Variants in DOCK9 observed in about 807,000 individuals in gnomAD.
DOCK9 encodes dedicator of cytokinesis protein 9.
A neutral mutation model predicts 263.3 loss-of-function variants in DOCK9; 89 were observed. The observed-to-expected ratio is 0.34, with a 90% CI of 0.28 to 0.40. DOCK9 has a LOEUF of 0.40. DOCK9 is among the 10% of genes least tolerant of loss of function. The probability of loss-of-function intolerance (pLI) is 1.00; values close to 1 mark genes in which losing one functional copy is unlikely to be tolerated. For synonymous variants in DOCK9, 976 were observed against 973.1 expected (o/e 1.00, Z -0.06); for missense variants, 2,140 against 2,603.4 (o/e 0.82, Z 3.87).
intron 1 of DOCK9, among the ~76,000 whole-genome samples, chr13:99,069,291 G>C (rs933898295): frequency 1.3e-5 from 2 of 152,064 alleles, no homozygotes; most frequent in African/African-American, 4.8e-5. Context: ...TCTAAGTTTT[G>C]CTTTTTATTT....
intron 27 of DOCK9, among the ~76,000 whole-genome samples, chr13:98,870,197 T>C (rs2094150686): frequency 6.6e-6 from 1 of 152,172 alleles, no homozygotes; most frequent in South Asian, 2.1e-4. Flanking sequence ...CCAGAACCTA[T>C]TAGGAATATT....
intron 7 of DOCK9, among the ~76,000 whole-genome samples, chr13:98,919,106 G>A (rs1169022259): frequency 1.6e-5 from 2 of 125,284 alleles, no homozygotes; most frequent in East Asian, 2.2e-4. Context: ...AGCACTGCTG[G>A]GCTGTTTCTC....
chr13:98,908,760 A>G (rs938218443), intron 9 of DOCK9, among the ~76,000 whole-genome samples: 4 of 152,240 alleles, frequency 2.6e-5, no homozygotes, highest in Admixed American at 2.6e-4. Context: ...GTTCTCAGGA[A>G]TGTGGGAATG....
At chr13:98,811,277 T>A (rs2091272107) in intron 45 of DOCK9, among the ~76,000 whole-genome samples, 1 of 152,244 alleles carries the variant, frequency 6.6e-6, no homozygotes, top group Non-Finnish European at 1.5e-5. Context: ...ATGGCTTTGG[T>A]AAAGTGTCTA....
chr13:98,989,333 TG>T (rs1426954380), intron 1 of DOCK9, among the ~76,000 whole-genome samples: 4 of 127,324 alleles, frequency 3.1e-5, no homozygotes, highest in Middle Eastern at 4.2e-3. Flanking sequence ...ATGATGATGA[TG>T]ATGATGATGA....
At chr13:98,962,983 A>AC (rs1281097219) in intron 1 of DOCK9, among the ~76,000 whole-genome samples, 2 of 152,100 alleles carry the variant, frequency 1.3e-5, no homozygotes, top group African/African-American at 4.8e-5. Flanking sequence ...CAGGCAGGAC[A>AC]CCCCATGGGA....
intron 27 of DOCK9, among the ~76,000 whole-genome samples, chr13:98,871,178 C>T (rs2094175916): frequency 6.6e-6 from 1 of 152,104 alleles, no homozygotes; most frequent in South Asian, 2.1e-4. Flanking sequence ...CTAAAAGTGT[C>T]TAAGATGGAG....
At chr13:98,873,507 C>T (rs2094242923) in intron 27 of DOCK9, among the ~76,000 whole-genome samples, 1 of 152,224 alleles carries the variant, frequency 6.6e-6, no homozygotes, top group Admixed American at 6.5e-5. Flanking sequence ...ACTACATTTA[C>T]CAGCATCCCT....
rs765456052 is a variant in DOCK9, at chr13:98,809,481, A to T, written c.5254-16T>A. ...GGGCCAGCCTCTGGAAAGCAGAACA[A>T]AGCCCATTTCTTCCCATGTGCAAAG... On this transcript the variant is annotated splice_polypyrimidine_tract_variant and intron_variant, in intron 46 of 52. Transcript: ENST00000682017. The T allele has an allele frequency of 1.0e-5, 16 of 1,572,342 alleles. No homozygotes were observed. In the East Asian group the frequency reaches 1.6e-4, roughly 16 times the overall value.
intron 1 of DOCK9, among the ~76,000 whole-genome samples, chr13:99,035,594 C>A (rs1047245952): frequency 6.6e-6 from 1 of 152,152 alleles, no homozygotes; most frequent in South Asian, 2.1e-4. Flanking sequence ...AATGGCAGAG[C>A]AACAAGATAG....
At chr13:98,989,722 G>A (rs142685752) in intron 1 of DOCK9, among the ~76,000 whole-genome samples, 55 of 152,208 alleles carry the variant, frequency 3.6e-4, no homozygotes, top group African/African-American at 1.2e-3. Context: ...ACACACCTTA[G>A]CCTTATTCCA....
rs575865684 is a variant in DOCK9, at chr13:98,846,792, TAAG to T, written c.4062-735_4062-733del. On this transcript the variant is annotated intron_variant, in intron 37 of 52. Transcript: ENST00000682017. The stretch of plus-strand genomic sequence containing the variant: ...CTGCTGGGTGACTTCAAAGTGACAA[TAAG>T]AAGGCACAGTGTTCATCAAACTCGA... 113 of 357,384 alleles carry T rather than the reference TAAG, an allele frequency of 3.2e-4. 1 individual carries two copies. Among genetic ancestry groups the T allele is most frequent in the African/African-American group, 1.9e-3 (91 of 46,808 alleles). 22.1% of individuals were successfully genotyped at this position (357,384 alleles called of 1,614,324 possible).
At chr13:99,081,520 G>A (rs938584054) in intron 1 of DOCK9, among the ~76,000 whole-genome samples, 24 of 152,140 alleles carry the variant, frequency 1.6e-4, no homozygotes, top group African/African-American at 4.8e-4. Flanking sequence ...TAAGGAAGCC[G>A]GGCAGCCAGA....
At position 98,867,504 on chromosome 13, in the gene DOCK9, A is replaced by C. The variant is rs192753233; in HGVS notation, c.3207T>G (p.Arg1069=). 6.2e-7 allele frequency: 1 copy of C among 1,611,586 alleles called. No individual in the cohort carries two copies. The highest frequency in any genetic ancestry group is 8.5e-7 in the Non-Finnish European group (1 of 1,178,938). Reference sequence around the variant, plus strand: ...TATAATGTTCATGGTTGCACACTACACGGAGAAATTCAAACTTGTATTCAA... The same window carrying C: ...TATAATGTTCATGGTTGCACACTACCCGGAGAAATTCAAACTTGTATTCAA... ...TLFEYKFEFL[R]VVCNHEHYIP... Residue 1069 remains arginine, a synonymous_variant, in exon 30 of 53, where the codon CGT becomes CGG. Transcript: ENST00000682017.
intron 1 of DOCK9, among the ~76,000 whole-genome samples, chr13:98,989,420 G>A (rs572744877): frequency 2.4e-4 from 36 of 151,540 alleles, no homozygotes; most frequent in African/African-American, 7.8e-4. Context: ...CTTCTGAATC[G>A]GAATCCTGAA....
In DOCK9 at chr13:98,810,165, A is replaced by C; in HGVS notation, c.5253+4T>G. 6.2e-7 allele frequency: 1 copy of C among 1,613,922 alleles called. No individual in the cohort carries two copies. Among genetic ancestry groups the C allele is most frequent in the Non-Finnish European group, 8.5e-7 (1 of 1,179,868 alleles). On this transcript the variant is annotated splice_donor_region_variant and intron_variant, in intron 46 of 52. Coordinates refer to ENST00000682017, the MANE Select transcript of DOCK9 (RefSeq NM_001366683.2). ...AGGAAAAAAACAAAAAGGCACTCTC[A>C]TACCTCAAAATCCCTCCGCTTCTCA...
intron 39 of DOCK9, chr13:98,834,446 G>C (rs1424466550): frequency 1.3e-5 from 2 of 152,218 alleles, no homozygotes; most frequent in Non-Finnish European, 2.9e-5. Flanking sequence ...GTGCAAAGCA[G>C]ATCACAAGCT....
intron 1 of DOCK9, among the ~76,000 whole-genome samples, chr13:98,985,671 G>A (rs542356869): frequency 1.6e-3 from 243 of 152,328 alleles, no homozygotes; most frequent in Non-Finnish European, 2.9e-3. Flanking sequence ...AACTTACAAA[G>A]CCAAGAGAAA....
At chr13:98,925,595 C>T (rs2052805467) in intron 4 of DOCK9, among the ~76,000 whole-genome samples, 1 of 151,874 alleles carries the variant, frequency 6.6e-6, no homozygotes, top group Non-Finnish European at 1.5e-5. Flanking sequence ...TCAGTGGTAC[C>T]CTGAAAAGAA....
Sources: allele counts gnomAD v4.1 joint callset (sites outside exome capture counted in the v4.1 genomes callset), GRCh38; gene constraint gnomAD v4.1.1; transcripts MANE v1.5; gene names NCBI Gene and HGNC (gene_info 2026-07-23, HGNC 2026-07-21).